Variants in EIF2AK1 observed in about 807,000 individuals in gnomAD.
EIF2AK1 encodes eukaryotic translation initiation factor 2 alpha kinase 1, also known as eukaryotic translation initiation factor 2-alpha kinase 1.
A neutral mutation model predicts 77.9 loss-of-function variants in EIF2AK1; 54 were observed. The observed-to-expected ratio is 0.69, with a 90% CI of 0.56 to 0.87. EIF2AK1 has a LOEUF of 0.87. Among genes scored for constraint, EIF2AK1 ranks in the 40% least tolerant of loss-of-function variants. The pLI, the probability that EIF2AK1 is intolerant of heterozygous loss-of-function variation, is 0.00. For missense variants in EIF2AK1, 810 were observed against 768.6 expected, an observed-to-expected ratio of 1.05 and a Z score of -0.64; for synonymous variants, 314 against 290.5, an observed-to-expected ratio of 1.08 and a Z score of -0.82.
chr7:6,031,355 C>T (rs1236441883), intron 11 of EIF2AK1: 1 of 1,546,660 alleles, frequency 6.5e-7, no homozygotes, highest in Non-Finnish European at 8.7e-7. Flanking sequence ...ACATTTTCCC[C>T]TGAAGTCTTA....
At position 6,024,350 on chromosome 7, in the gene EIF2AK1, C is replaced by T. The variant is rs1787676803; in HGVS notation, c.*323G>A. The T allele has an allele frequency of 1.6e-6, 2 of 1,218,676 alleles. No homozygotes were observed. The highest frequency in any genetic ancestry group is 3.8e-5 in the Admixed American group (1 of 26,132). The allele number at this position is 1,218,676 out of a possible 1,614,324, so 75.5% of individuals were successfully genotyped here. The stretch of plus-strand genomic sequence containing the variant: ...GCCCGGGCTTGGGCAGTGACGAGGG[C>T]AGGGAGCACACATCAATTTCTGCGG... On this transcript the variant is annotated 3_prime_UTR_variant, in exon 15 of 15. Coordinates refer to ENST00000199389, the MANE Select transcript of EIF2AK1 (RefSeq NM_014413.4).
chr7:6,028,466 G>T lies in EIF2AK1; in HGVS notation c.1530+149C>A, dbSNP rs371313030. 7.7e-6 allele frequency: 5 copies of T among 652,050 alleles called. No individual in the cohort carries two copies. The African/African-American group carries it at 9.1e-5, about 12-fold the overall frequency. 40.4% of individuals were successfully genotyped at this position (652,050 alleles called of 1,614,324 possible). On this transcript the variant is annotated intron_variant, in intron 13 of 14. Transcript: ENST00000199389. ...CAGGTTTCACCATGTTGACCAGGCT[G>T]GTCTTGAACTCCTGACCTCCGGTGA...
At chr7:6,053,792 C>T (rs933534769) in intron 2 of EIF2AK1, among the ~76,000 whole-genome samples, 2 of 151,664 alleles carry the variant, frequency 1.3e-5, no homozygotes, top group South Asian at 2.1e-4. Context: ...CTCAGCCTCC[C>T]AAGTAGCTGA....
chr7:6,045,080 G>C (rs1350829528), intron 6 of EIF2AK1, among the ~76,000 whole-genome samples: 1 of 151,852 alleles, frequency 6.6e-6, no homozygotes, highest in African/African-American at 2.4e-5. Context: ...CTCTGTACAA[G>C]GCATCTACAC....
At position 6,036,444 on chromosome 7, in the gene EIF2AK1, T is replaced by A; in HGVS notation, c.1332+980A>T. The A allele has an allele frequency of 7.9e-7, 1 of 1,264,960 alleles. No individual in the cohort carries two copies. Among genetic ancestry groups the A allele is most frequent in the East Asian group, 2.6e-5 (1 of 38,956 alleles). The allele number at this position is 1,264,960 out of a possible 1,614,324, so 78.4% of individuals were successfully genotyped here. Reference sequence around the variant, plus strand: ...TTTCAGCCACTCAAACTGCATTTTCTGGCTAGACATGTCCCAGAAAATGCT... The same window carrying A: ...TTTCAGCCACTCAAACTGCATTTTCAGGCTAGACATGTCCCAGAAAATGCT... On this transcript the variant is annotated intron_variant, in intron 11 of 14. Transcript: ENST00000199389. The surrounding 1 kb of genome is among the most constrained non-coding windows in gnomAD (Gnocchi z 4.6).
chr7:6,024,747 G>A lies in EIF2AK1; in HGVS notation c.1819C>T (p.Leu607=). The A allele has an allele frequency of 6.3e-7, 1 of 1,594,340 alleles. No homozygotes were observed. The highest frequency in any genetic ancestry group is 8.5e-7 in the Non-Finnish European group (1 of 1,173,892). ...GAAAGGAGGTTTAGCTGCTTCTTTAGTTCTGCAATTTCTTTTTCTTGCTCT... is the reference window on the plus strand; with the variant it reads ...GAAAGGAGGTTTAGCTGCTTCTTTAATTCTGCAATTTCTTTTTCTTGCTCT... ...IIEQEKEIAE[L]KKQLNLLSQD... is the part of the protein sequence containing the mutation. The change falls in exon 15 of 15, where the codon CTA becomes TTA. Residue 607 remains leucine, a synonymous_variant. Coordinates refer to ENST00000199389, the MANE Select transcript of EIF2AK1 (RefSeq NM_014413.4).
chr7:6,037,678 T>C (rs945162199), intron 10 of EIF2AK1, among the ~76,000 whole-genome samples, 154 bp from the exon 11 acceptor site: 1 of 152,050 alleles, frequency 6.6e-6, no homozygotes, highest in Non-Finnish European at 1.5e-5. Flanking sequence ...GTCTAAAACC[T>C]AGAAATAAGC....
In EIF2AK1 at chr7:6,024,380, T is replaced by C; in HGVS notation, c.*293A>G. On this transcript the variant is annotated 3_prime_UTR_variant, in exon 15 of 15. Coordinates refer to ENST00000199389, the MANE Select transcript of EIF2AK1 (RefSeq NM_014413.4). Reference sequence around the variant, plus strand: ...AGCACACATCAATTTCTGCGGTACCTTCTAGAGGAAGACCAGACAGAGGGT... The same window carrying C: ...AGCACACATCAATTTCTGCGGTACCCTCTAGAGGAAGACCAGACAGAGGGT... 8.8e-7 allele frequency: 1 copy of C among 1,131,186 alleles called. No homozygotes were observed. The highest frequency in any genetic ancestry group is 1.1e-6 in the Non-Finnish European group (1 of 907,514). 70.1% of individuals were successfully genotyped at this position (1,131,186 alleles called of 1,614,324 possible).
chr7:6,043,133 A>G lies in EIF2AK1; in HGVS notation c.731-140T>C, dbSNP rs1237156250. ...CATGACCTTCTGGCAAAATACAAAA[A>G]GTTTATTCAAATGGCACGTGTTAGG... On this transcript the variant is annotated intron_variant, in intron 7 of 14. Transcript: ENST00000199389. The G allele has an allele frequency of 2.5e-5, 21 of 828,392 alleles. No individual in the cohort carries two copies. In the Admixed American group the frequency reaches 2.9e-4, roughly 11 times the overall value. The allele number at this position is 828,392 out of a possible 1,614,324, so 51.3% of individuals were successfully genotyped here. A position where few individuals can be genotyped will look rare whatever the true frequency, so the allele number is the denominator to read the frequency against.
intron 14 of EIF2AK1, among the ~76,000 whole-genome samples, chr7:6,026,100 G>A (rs543634271): frequency 7.2e-5 from 11 of 152,018 alleles, no homozygotes; most frequent in South Asian, 2.1e-4. Flanking sequence ...TGTGTACTGC[G>A]CAGGGAATGC....
chr7:6,035,834 G>T lies in EIF2AK1; in HGVS notation c.1332+1590C>A. On this transcript the variant is annotated intron_variant, in intron 11 of 14. Coordinates refer to ENST00000199389, the MANE Select transcript of EIF2AK1 (RefSeq NM_014413.4). The surrounding 1 kb of genome is among the most constrained non-coding windows in gnomAD (Gnocchi z 5.5). ...TCAACTGTGCTGTCTCTTCCACGGG[G>T]AACACGCCCCTGAAGCTTGCAGTGT... The T allele has an allele frequency of 6.5e-7, 1 of 1,548,978 alleles. No individual in the cohort carries two copies. Among genetic ancestry groups the T allele is most frequent in the Non-Finnish European group, 8.7e-7 (1 of 1,145,648 alleles).
In EIF2AK1 at chr7:6,028,933, T is replaced by A; in HGVS notation, c.1432A>T (p.Asn478Tyr). 1 of 1,598,628 alleles carries A rather than the reference T, an allele frequency of 6.3e-7. No homozygotes were observed. The highest frequency in any genetic ancestry group is 1.1e-5 in the South Asian group (1 of 87,606). ...AAAAACTTACTCTTCCCGTTTCTGT[T>A]GGTCCAGTCTGTGTTCTTCTGTAGG... ...DILQKNTDWT[N>Y]RNGKRTPTHT... Residue 478 changes from asparagine (N) to tyrosine (Y), a missense_variant, in exon 12 of 15, where the codon AAC becomes TAC. By Grantham distance (143) the Asn-to-Tyr change is moderately radical. Coordinates refer to ENST00000199389, the MANE Select transcript of EIF2AK1 (RefSeq NM_014413.4).
In EIF2AK1 at chr7:6,042,984, G is replaced by T; in HGVS notation, c.740C>A (p.Ala247Asp). Residue 247 changes from alanine (A) to aspartate (D), a missense_variant, in exon 8 of 15, where the codon GCT becomes GAT. By Grantham distance (126) the Ala-to-Asp change is moderately radical (BLOSUM62 -2). Coordinates refer to ENST00000199389, the MANE Select transcript of EIF2AK1 (RefSeq NM_014413.4). ...TTCCAGAGATGGCAACTCAATGGCA[G>T]CTCTGTCTGCTGAATGAAAACAAAC... ...VHVIQPRADR[A>D]AIELPSLEVL... 6.2e-7 allele frequency: 1 copy of T among 1,614,096 alleles called. No individual in the cohort carries two copies. The highest frequency in any genetic ancestry group is 8.5e-7 in the Non-Finnish European group (1 of 1,179,968).
chr7:6,043,909 G>C (rs1456909167), intron 7 of EIF2AK1, among the ~76,000 whole-genome samples: 2 of 151,314 alleles, frequency 1.3e-5, no homozygotes, highest in Non-Finnish European at 2.9e-5. Flanking sequence ...GACTAGCTTG[G>C]GCAACATGGT....
chr7:6,051,895 G>A (rs1788615734), intron 2 of EIF2AK1, among the ~76,000 whole-genome samples: 1 of 152,106 alleles, frequency 6.6e-6, no homozygotes, highest in African/African-American at 2.4e-5. Flanking sequence ...CATCTAGACT[G>A]GGCATGGTGG....
At position 6,030,745 on chromosome 7, in the gene EIF2AK1, C is replaced by A. The variant is rs577232241; in HGVS notation, c.1333-1713G>T. 4.6e-5 allele frequency among the ~76,000 whole-genome samples: 7 copies of A among 152,278 alleles called. No homozygotes were observed. The South Asian group carries it at 1.4e-3, about 32-fold the overall frequency. ...ATCTCTTGACCTCATGTTCTGCCCG[C>A]CCTGGCCTCTCAAAGTGCTGGGATT... On this transcript the variant is annotated intron_variant, in intron 11 of 14. Transcript: ENST00000199389.
At chr7:6,056,396 CA>C (rs1300249401) in intron 1 of EIF2AK1, among the ~76,000 whole-genome samples, 1 of 149,676 alleles carries the variant, frequency 6.7e-6, no homozygotes, top group Non-Finnish European at 1.5e-5. Flanking sequence ...AGTTCAAGAC[CA>C]GCCTGGCCAA....
chr7:6,051,093 T>G (rs569674750), intron 2 of EIF2AK1, among the ~76,000 whole-genome samples: 1 of 152,194 alleles, frequency 6.6e-6, no homozygotes, highest in Non-Finnish European at 1.5e-5. Context: ...TGATGAGAAC[T>G]TACAACAAAA....
rs890811478 is a variant in EIF2AK1, at chr7:6,040,777, C to A, written c.1119+115G>T. 2.7e-5 allele frequency: 24 copies of A among 874,986 alleles called. No homozygotes were observed. In the Admixed American group the frequency reaches 5.3e-4, roughly 19 times the overall value. The allele number at this position is 874,986 out of a possible 1,614,324, so 54.2% of individuals were successfully genotyped here. A position where few individuals can be genotyped will look rare whatever the true frequency, so the allele number is the denominator to read the frequency against. On this transcript the variant is annotated intron_variant, in intron 9 of 14. Transcript: ENST00000199389. ...CATGGCAAGGGGAACATGGCCAGTA[C>A]AAGAGACTGAACGCAGGGCAGAAGC...
Sources: gnomAD v4.1 joint callset for allele counts (sites outside exome capture counted in the v4.1 genomes callset) on GRCh38, gnomAD v4.1.1 for gene constraint, Gnocchi (gnomAD v3.1) non-coding constraint, MANE v1.5 for transcripts, NCBI Gene and HGNC (gene_info 2026-07-23, HGNC 2026-07-21) for gene names.